The following CCN3 variants were observed in gnomAD, a reference collection of about 807,000 sequenced individuals.
The protein encoded by CCN3 is cellular communication network factor 3.
Under a neutral mutation model 33.4 loss-of-function variants are expected in CCN3, and 20 were observed. That is an observed-to-expected ratio of 0.60 (90% confidence interval 0.42 to 0.87). The LOEUF (loss-of-function observed/expected upper bound fraction) is 0.87. CCN3 is among the 40% of genes least tolerant of loss of function. The pLI is 0.00. For synonymous variants in CCN3, 205 were observed against 170.4 expected (o/e 1.20, Z -1.58); for missense variants, 465 against 455.3 (o/e 1.02, Z -0.19).
Position 119,416,759 on chromosome 8 carries a change from C to A in CCN3, c.100C>A (p.Arg34Ser), listed in dbSNP as rs770780300. The change falls in exon 2 of 5, where the codon CGC becomes AGC. Residue 34 changes from arginine to serine, a missense_variant. By Grantham distance (110) the Arg-to-Ser change is moderately radical (BLOSUM62 -1). Transcript: ENST00000259526. Reference protein sequence around the residue: ...HLLGQVAATQRCPPQCPGRCP... With the variant: ...HLLGQVAATQSCPPQCPGRCP... ...CTGCCTTCAGGTCGCTGCGACTCAG[C>A]GCTGCCCTCCCCAGTGCCCGGGCCG... is the stretch of plus-strand genomic sequence containing the variant. 3 of 1,588,558 alleles carry A rather than the reference C, an allele frequency of 1.9e-6. No homozygotes were observed. Among genetic ancestry groups the A allele is most frequent in the Admixed American group, 1.8e-5 (1 of 56,410 alleles).
In CCN3 at chr8:119,419,316, G is replaced by C. The variant is rs1236507527; in HGVS notation, c.748G>C (p.Glu250Gln). The change falls in exon 4 of 5, where the codon GAA becomes CAA. Residue 250 changes from glutamate to glutamine, a missense_variant. Physicochemically the swap from Glu to Gln is conservative, Grantham distance 29. Coordinates refer to ENST00000259526, the MANE Select transcript of CCN3 (RefSeq NM_002514.4). ...TCGGCTCTGCATGGTGCGGCCCTGT[G>C]AACAAGAGCCAGAGCAGCCAACAGA... is the stretch of plus-strand genomic sequence containing the variant. The part of the protein sequence containing the change: ...QTRLCMVRPC[E>Q]QEPEQPTDKK... The C allele has an allele frequency of 1.2e-6, 2 of 1,613,962 alleles. No homozygotes were observed. The highest frequency in any genetic ancestry group is 2.2e-5 in the South Asian group (2 of 91,060).
Position 119,422,854 on chromosome 8 carries a change from C to A in CCN3, c.796C>A (p.Arg266Ser), listed in dbSNP as rs764758587. The change falls in exon 5 of 5, where the codon CGC (arginine) becomes AGC (serine). Residue 266 changes from arginine to serine, a missense_variant. Coordinates refer to ENST00000259526, the MANE Select transcript of CCN3 (RefSeq NM_002514.4). ...PTDKKGKKCL[R>S]TKKSLKAIHL... ...TTCTTAGAAAGGAAAAAAGTGTCTC[C>A]GCACCAAGAAGTCACTCAAAGCCAT... 1.2e-6 allele frequency: 2 copies of A among 1,606,920 alleles called. No homozygotes were observed. The highest frequency in any genetic ancestry group is 2.7e-5 in the African/African-American group (2 of 74,628).
Position 119,419,237 on chromosome 8 carries a change from G to T in CCN3, c.669G>T (p.Gly223=). The T allele has an allele frequency of 6.2e-7, 1 of 1,614,232 alleles. No homozygotes were observed. Among genetic ancestry groups the T allele is most frequent in the South Asian group, 1.1e-5 (1 of 91,086 alleles). The change falls in exon 4 of 5, where the codon GGG becomes GGT. Residue 223 remains glycine (G), a synonymous_variant. Coordinates refer to ENST00000259526, the MANE Select transcript of CCN3 (RefSeq NM_002514.4). ...WTACSKSCGM[G]FSTRVTNRNR... The stretch of plus-strand genomic sequence containing the variant: ...CATGCTCCAAGAGCTGTGGTATGGG[G>T]TTCTCCACCCGGGTCACCAATAGGA...
At position 119,423,044 on chromosome 8, in the gene CCN3, G is replaced by T; in HGVS notation, c.986G>T (p.Gly329Val). The T allele has an allele frequency of 6.2e-7, 1 of 1,614,106 alleles. No individual in the cohort carries two copies. Among genetic ancestry groups the T allele is most frequent in the South Asian group, 1.1e-5 (1 of 91,080 alleles). ...QIVKKPVMVI[G>V]TCTCHTNCPK... Reference sequence around the variant, plus strand: ...GTCAAGAAGCCAGTGATGGTCATTGGGACCTGCACCTGTCACACCAACTGT... The same window carrying T: ...GTCAAGAAGCCAGTGATGGTCATTGTGACCTGCACCTGTCACACCAACTGT... The change falls in exon 5 of 5, where the codon GGG becomes GTG. Residue 329 changes from glycine (G) to valine (V), a missense_variant. By Grantham distance (109) the Gly-to-Val change is moderately radical. Transcript: ENST00000259526.
intron 4 of CCN3, among the ~76,000 whole-genome samples, chr8:119,420,505 C>T (rs1820108561): frequency 2.0e-5 from 3 of 152,172 alleles, no homozygotes; most frequent in African/African-American, 7.2e-5. Flanking sequence ...CCTAACTTTA[C>T]TTTTCTTCCA....
intron 4 of CCN3, among the ~76,000 whole-genome samples, 194 bp from the exon 5 acceptor site, chr8:119,422,642 C>A (rs1820139939): frequency 6.6e-6 from 1 of 152,136 alleles, no homozygotes. Context: ...ACAAGGTTAT[C>A]CCAAGTCCCA....
chr8:119,419,787 T>G, intron 4 of CCN3: 1 of 159,606 alleles, frequency 6.3e-6, no homozygotes, highest in Non-Finnish European at 1.4e-5. Flanking sequence ...ACCTGGCAGA[T>G]ATTGTGTGCG....
chr8:119,423,668 A>G lies in CCN3; in HGVS notation c.*536A>G, dbSNP rs2071519. ...GAAACATGCAGCTCTTCAACATGAC[A>G]TCCAGAGATGACTATTACTTTTCTG... On this transcript the variant is annotated 3_prime_UTR_variant, in exon 5 of 5. Transcript: ENST00000259526. The G allele has an allele frequency of 0.24, 36,814 of 152,824 alleles. 4,645 individuals carry two copies. Among genetic ancestry groups the G allele is most frequent in the South Asian group, 0.28 (1,360 of 4,866 alleles). The allele number at this position is 152,824 out of a possible 1,614,324, so 9.5% of individuals were successfully genotyped here. A position where few individuals can be genotyped will look rare whatever the true frequency, so the allele number is the denominator to read the frequency against.
intron 4 of CCN3, among the ~76,000 whole-genome samples, chr8:119,421,195 G>C (rs1177495987): frequency 6.6e-6 from 1 of 151,700 alleles, no homozygotes; most frequent in Admixed American, 6.6e-5. Context: ...TTTTTTAGTA[G>C]AGACGGGGTT....
rs771928669 is a variant in CCN3, at chr8:119,419,279, G to A, written c.711G>A (p.Met237Ile). The change falls in exon 4 of 5, where the codon ATG becomes ATA. Residue 237 changes from methionine (M) to isoleucine (I), a missense_variant. Coordinates refer to ENST00000259526, the MANE Select transcript of CCN3 (RefSeq NM_002514.4). The stretch of plus-strand genomic sequence containing the variant: ...CCAATAGGAACCGTCAATGTGAGAT[G>A]CTGAAACAGACTCGGCTCTGCATGG... ...RVTNRNRQCE[M>I]LKQTRLCMVR... 22 of 1,614,226 alleles carry A rather than the reference G, an allele frequency of 1.4e-5. No homozygotes were observed. Among genetic ancestry groups the A allele is most frequent in the Non-Finnish European group, 1.9e-5 (22 of 1,180,042 alleles).
At chr8:119,420,099 A>G (rs1820103270) in intron 4 of CCN3, 1 of 152,154 alleles carries the variant, frequency 6.6e-6, no homozygotes, top group South Asian at 2.1e-4. Flanking sequence ...TCCTTATACA[A>G]ACCTAAGACT....
At chr8:119,418,020 T>G in intron 2 of CCN3, 38 bp from the exon 3 acceptor site, 1 of 1,585,810 alleles carries the variant, frequency 6.3e-7, no homozygotes. Context: ...TTTTTCCTCT[T>G]CCTCTTTGCT....
In CCN3 at chr8:119,423,162, CA is replaced by C; in HGVS notation, c.*31del. The C allele has an allele frequency of 1.3e-6, 2 of 1,571,300 alleles. No individual in the cohort carries two copies. The highest frequency in any genetic ancestry group is 1.7e-6 in the Non-Finnish European group (2 of 1,148,538). On this transcript the variant is annotated 3_prime_UTR_variant, in exon 5 of 5. Coordinates refer to ENST00000259526, the MANE Select transcript of CCN3 (RefSeq NM_002514.4). ...TCACTCAAGAAGCACACCTACAGAG[CA>C]CCTGTAGCTGCTGCGCCACCCACCA...
At position 119,422,820 on chromosome 8, in the gene CCN3, CTTT is replaced by C; in HGVS notation, c.778-12_778-10del. 2 of 1,586,308 alleles carry C rather than the reference CTTT, an allele frequency of 1.3e-6. No individual in the cohort carries two copies. Among genetic ancestry groups the C allele is most frequent in the Middle Eastern group, 3.4e-4 (2 of 5,894 alleles). On this transcript the variant is annotated splice_polypyrimidine_tract_variant and intron_variant, in intron 4 of 4. Coordinates refer to ENST00000259526, the MANE Select transcript of CCN3 (RefSeq NM_002514.4). ...ATGGTAGCCATTCAATACATCACTT[CTTT>C]TTTCTTTCTTAGAAAGGAAAAAAGT... is the stretch of plus-strand genomic sequence containing the variant.
intron 4 of CCN3, among the ~76,000 whole-genome samples, chr8:119,419,628 C>A (rs1820097799): frequency 6.6e-6 from 1 of 152,220 alleles, no homozygotes; most frequent in Non-Finnish European, 1.5e-5. Flanking sequence ...CTAGCAAATC[C>A]CATTCCATTC....
intron 3 of CCN3, 144 bp from the exon 4 acceptor site, chr8:119,418,987 A>C (rs1820089251): frequency 1.7e-6 from 1 of 601,820 alleles, no homozygotes; most frequent in Admixed American, 3.0e-5. Flanking sequence ...TAGATAAATA[A>C]ATTCAGTTCT....
At position 119,416,781 on chromosome 8, in the gene CCN3, G is replaced by A; in HGVS notation, c.122G>A (p.Gly41Asp). 6.3e-7 allele frequency: 1 copy of A among 1,597,062 alleles called. No individual in the cohort carries two copies. The change falls in exon 2 of 5, where the codon GGC becomes GAC. Residue 41 changes from glycine to aspartate, a missense_variant. Gly to Asp is a moderately conservative substitution (Grantham distance 94). Coordinates refer to ENST00000259526, the MANE Select transcript of CCN3 (RefSeq NM_002514.4). The part of the protein sequence containing the change: ...ATQRCPPQCP[G>D]RCPATPPTCA... Reference sequence around the variant, plus strand: ...CAGCGCTGCCCTCCCCAGTGCCCGGGCCGGTGCCCTGCGACGCCGCCGACC... The same window carrying A: ...CAGCGCTGCCCTCCCCAGTGCCCGGACCGGTGCCCTGCGACGCCGCCGACC...
rs945806456 is a variant in CCN3 at position 119,423,838 on chromosome 8, T to C, written c.*706T>C. Reference sequence around the variant, plus strand: ...AAACAGAAAACTCCCAATACAAAGATGACTGGTCCCTCATAGCCCTCAGAC... The same window carrying C: ...AAACAGAAAACTCCCAATACAAAGACGACTGGTCCCTCATAGCCCTCAGAC... On this transcript the variant is annotated 3_prime_UTR_variant, in exon 5 of 5. Transcript: ENST00000259526. 1 of 152,186 alleles carries C rather than the reference T, an allele frequency of 6.6e-6. No individual in the cohort carries two copies. The highest frequency in any genetic ancestry group is 2.4e-5 in the African/African-American group (1 of 41,452). 9.4% of individuals were successfully genotyped at this position (152,186 alleles called of 1,614,324 possible).
intron 4 of CCN3, chr8:119,419,899 T>C (rs977762426): frequency 6.5e-6 from 1 of 153,658 alleles, no homozygotes; most frequent in African/African-American, 2.4e-5. Context: ...CATAAAGCAA[T>C]ATGGGCCAAA....
Sources: allele counts gnomAD v4.1 joint callset (sites outside exome capture counted in the v4.1 genomes callset), GRCh38; gene constraint gnomAD v4.1.1; transcripts MANE v1.5; gene names NCBI Gene and HGNC (gene_info 2026-07-23, HGNC 2026-07-21).